FANCC: variants seen among roughly 807,000 people sequenced by gnomAD.
FANCC encodes the protein FA complementation group C.
A neutral mutation model predicts 71.3 loss-of-function variants in FANCC; 55 were observed. The ratio of observed to expected loss-of-function variants is 0.77; its 90% CI spans 0.62 to 0.97. The LOEUF is 0.97. Ranked by LOEUF, FANCC falls within the 50% of genes least tolerant of loss-of-function variation. FANCC has a pLI of 0.00. For synonymous variants in FANCC, 275 were observed against 244.9 expected (o/e 1.12, Z -1.15); for missense variants, 678 against 670.9 (o/e 1.01, Z -0.12).
chr9:95,292,789 TA>T, intron 1 of FANCC: 1 of 1,546,572 alleles, frequency 6.5e-7, no homozygotes, highest in Non-Finnish European at 8.9e-7. Context: ...TTTTCTCTCG[TA>T]AAACAGCACT....
At chr9:95,308,916 G>A (rs943772073) in intron 1 of FANCC, among the ~76,000 whole-genome samples, 8 of 152,126 alleles carry the variant, frequency 5.3e-5, no homozygotes, top group Non-Finnish European at 1.0e-4. Flanking sequence ...GCTCAGGTGG[G>A]AGGATCACTT....
chr9:95,300,328 G>C (rs1385747394), intron 1 of FANCC, among the ~76,000 whole-genome samples: 1 of 151,416 alleles, frequency 6.6e-6, no homozygotes, highest in Non-Finnish European at 1.5e-5. Context: ...AATGATCCAA[G>C]TAAAAGACTA....
chr9:95,283,680 C>T (rs1394455350), intron 1 of FANCC, among the ~76,000 whole-genome samples: 2 of 152,332 alleles, frequency 1.3e-5, no homozygotes, highest in South Asian at 4.1e-4. Context: ...AAATAACTCA[C>T]TTTACAAAAA....
intron 3 of FANCC, among the ~76,000 whole-genome samples, chr9:95,243,296 T>C (rs1188641444): frequency 6.6e-6 from 1 of 152,210 alleles, no homozygotes; most frequent in East Asian, 1.9e-4. Flanking sequence ...ATTTTTATGC[T>C]GAGGACATCA....
At position 95,284,927 on chromosome 9, in the gene FANCC, C is replaced by G. The variant is rs949257320; in HGVS notation, c.-79+32599G>C. 7.3e-5 allele frequency among the ~76,000 whole-genome samples: 11 copies of G among 151,328 alleles called. No individual in the cohort carries two copies. The South Asian group carries it at 1.7e-3, about 23-fold the overall frequency. ...ACAAACATACGCATGCGCACACGCACAGAGAGAGACACGCACACACACAGA... is the reference window on the plus strand; with the variant it reads ...ACAAACATACGCATGCGCACACGCAGAGAGAGAGACACGCACACACACAGA... On this transcript the variant is annotated intron_variant, in intron 1 of 14. Transcript: ENST00000289081.
intron 1 of FANCC, chr9:95,292,941 A>G: frequency 4.4e-6 from 7 of 1,579,600 alleles, no homozygotes; most frequent in Non-Finnish European, 6.1e-6. Context: ...CGCCAGTAGA[A>G]AAGCATTGCA....
intron 1 of FANCC, among the ~76,000 whole-genome samples, chr9:95,280,288 T>C (rs1176280807): frequency 6.6e-6 from 1 of 151,970 alleles, no homozygotes; most frequent in Non-Finnish European, 1.5e-5. Context: ...GAAGCAAAAA[T>C]TGACAGAAAG....
At chr9:95,223,931 C>T (rs190929902) in intron 4 of FANCC, among the ~76,000 whole-genome samples, 16 of 152,180 alleles carry the variant, frequency 1.1e-4, no homozygotes, top group African/African-American at 3.1e-4. Context: ...GAGCCAAGAT[C>T]GTGCCGTTGC....
At chr9:95,127,926 T>G (rs904309570) in intron 8 of FANCC, among the ~76,000 whole-genome samples, 1 of 152,220 alleles carries the variant, frequency 6.6e-6, no homozygotes, top group African/African-American at 2.4e-5. Flanking sequence ...ATTTCTAATT[T>G]GCAAGTTAAA....
At chr9:95,294,695 AAAC>A (rs1834267569) in intron 1 of FANCC, 4 of 1,598,608 alleles carry the variant, frequency 2.5e-6, no homozygotes, top group Non-Finnish European at 3.4e-6. Flanking sequence ...AACGAAACTC[AAAC>A]AACAATGGAC....
rs141805865 is a variant in FANCC at position 95,250,065 on chromosome 9, G to T, written c.-78-696C>A. 4.2e-3 allele frequency among the ~76,000 whole-genome samples: 635 copies of T among 152,248 alleles called. 7 individuals are homozygous for T. Among genetic ancestry groups the T allele is most frequent in the Non-Finnish European group, 4.9e-3 (336 of 68,014 alleles). ...AGTGACAGTAGATAAAATCTCATAA[G>T]CCTGACTTCCTACCCCTGAAGGCCA... On this transcript the variant is annotated intron_variant, in intron 1 of 14. Coordinates refer to ENST00000289081, the MANE Select transcript of FANCC (RefSeq NM_000136.3).
intron 4 of FANCC, among the ~76,000 whole-genome samples, chr9:95,176,191 G>A (rs1202748318): frequency 1.3e-5 from 2 of 152,160 alleles, no homozygotes; most frequent in African/African-American, 2.4e-5. Flanking sequence ...GCCTGCCCAA[G>A]GCTAGTTATT....
intron 1 of FANCC, among the ~76,000 whole-genome samples, chr9:95,279,879 C>A (rs940043173): frequency 3.6e-5 from 5 of 138,030 alleles, no homozygotes; most frequent in African/African-American, 1.4e-4. Context: ...ACCTGAGAGG[C>A]GGAGGCTGCA....
At chr9:95,199,486 C>A (rs1284076786) in intron 4 of FANCC, among the ~76,000 whole-genome samples, 1 of 152,190 alleles carries the variant, frequency 6.6e-6, no homozygotes, top group African/African-American at 2.4e-5. Context: ...AGCAAGACCA[C>A]CTCATGTCCG....
intron 9 of FANCC, 77 bp downstream of exon 9, chr9:95,126,452 C>A: frequency 7.3e-7 from 1 of 1,372,566 alleles, no homozygotes; most frequent in East Asian, 2.3e-5. Context: ...CAGAGACTAC[C>A]ACAACATTTT....
chr9:95,208,077 CTTTTTTTTTTTTTTTTTTT>C (rs58961733), intron 4 of FANCC, among the ~76,000 whole-genome samples: 83 of 47,654 alleles, frequency 1.7e-3, no homozygotes, highest in African/African-American at 6.4e-3. Context: ...ATCCAGAAGC[CTTTTTTTTTTTTTTTTTTT>C]TTTTTTTTTT....
chr9:95,228,667 G>A lies in FANCC; in HGVS notation c.345+11982C>T, dbSNP rs546736957. ...ATGAGCACTAAGACCGCGTGCAAGC[G>A]AAGAGAGTGAGGGTCTAGCCCAGGA... On this transcript the variant is annotated intron_variant, in intron 4 of 14. Transcript: ENST00000289081. 1.9e-4 allele frequency among the ~76,000 whole-genome samples: 29 copies of A among 152,306 alleles called. No individual in the cohort carries two copies. The East Asian group carries it at 5.0e-3, about 26-fold the overall frequency.
intron 9 of FANCC, 149 bp from the exon 10 acceptor site, chr9:95,125,334 G>A (rs1037159980): frequency 1.3e-5 from 9 of 705,320 alleles, no homozygotes; most frequent in Non-Finnish European, 2.3e-5. Flanking sequence ...GTCCTTGTGT[G>A]AAAACAGGAT....
At chr9:95,232,018 G>A (rs1414815081) in intron 4 of FANCC, among the ~76,000 whole-genome samples, 1 of 152,188 alleles carries the variant, frequency 6.6e-6, no homozygotes, top group Non-Finnish European at 1.5e-5. Flanking sequence ...AGCTTCAACT[G>A]GCTTGTGGTT....
Sources: gnomAD v4.1 joint callset for allele counts (sites outside exome capture counted in the v4.1 genomes callset) on GRCh38, gnomAD v4.1.1 for gene constraint, MANE v1.5 for transcripts, NCBI Gene and HGNC (gene_info 2026-07-23, HGNC 2026-07-21) for gene names.